Variants in SUCLG2 observed in about 807,000 individuals in gnomAD.
The protein encoded by SUCLG2 is succinate--CoA ligase [GDP-forming] subunit beta, mitochondrial.
Under a neutral mutation model 47.9 loss-of-function variants are expected in SUCLG2, and 42 were observed. The ratio of observed to expected loss-of-function variants is 0.88; its 90% CI spans 0.69 to 1.14. The LOEUF (loss-of-function observed/expected upper bound fraction) is 1.14. SUCLG2 is among the 50% of genes most tolerant of loss of function. SUCLG2 has a pLI of 0.00. For missense variants in SUCLG2, 571 were observed against 525.9 expected, an observed-to-expected ratio of 1.09 and a Z score of -0.84; for synonymous variants, 195 against 197.3, an observed-to-expected ratio of 0.99 and a Z score of 0.10.
intron 4 of SUCLG2, among the ~76,000 whole-genome samples, chr3:67,527,348 G>C (rs1706281539): frequency 6.6e-6 from 1 of 152,214 alleles, no homozygotes; most frequent in Non-Finnish European, 1.5e-5. Context: ...TGACACATGT[G>C]ATCTGTGTAG....
chr3:67,386,008 GA>G (rs1393602084), intron 10 of SUCLG2, among the ~76,000 whole-genome samples: 3 of 152,112 alleles, frequency 2.0e-5, no homozygotes, highest in Admixed American at 6.5e-5. Flanking sequence ...GAGGGACCAA[GA>G]AAAAACACAA....
chr3:67,525,800 A>C (rs764534879), intron 4 of SUCLG2, among the ~76,000 whole-genome samples: 2 of 152,254 alleles, frequency 1.3e-5, no homozygotes, highest in Non-Finnish European at 2.9e-5. Context: ...CATCAAAATT[A>C]AACACTTTTG....
intron 9 of SUCLG2, among the ~76,000 whole-genome samples, chr3:67,483,617 G>A (rs991083202): frequency 6.6e-5 from 10 of 152,352 alleles, no homozygotes; most frequent in Middle Eastern, 3.4e-3. Context: ...AAGACGAGAT[G>A]TATTTCACTC....
chr3:67,384,639 G>C (rs773021698), intron 10 of SUCLG2, among the ~76,000 whole-genome samples: 2 of 152,194 alleles, frequency 1.3e-5, no homozygotes, highest in Admixed American at 6.5e-5. Context: ...CCAGCTTGCA[G>C]TCCCTACTTC....
chr3:67,502,880 C>G (rs939274151), intron 7 of SUCLG2, among the ~76,000 whole-genome samples: 1 of 152,158 alleles, frequency 6.6e-6, no homozygotes, highest in East Asian at 1.9e-4. Context: ...TAGTAGAAAA[C>G]AAGATTTTTG....
intron 1 of SUCLG2, among the ~76,000 whole-genome samples, chr3:67,629,688 T>C (rs1700893853): frequency 1.3e-5 from 2 of 152,094 alleles, no homozygotes; most frequent in Admixed American, 6.5e-5. Flanking sequence ...AAAAGTCCTA[T>C]CCACCCTTCT....
At chr3:67,575,031 A>C (rs1461712021) in intron 2 of SUCLG2, among the ~76,000 whole-genome samples, 1 of 152,224 alleles carries the variant, frequency 6.6e-6, no homozygotes, top group Admixed American at 6.5e-5. Context: ...ACAGTAGTTA[A>C]AATTAAAGAG....
chr3:67,361,072 T>C (rs1429613913), intron 10 of SUCLG2, among the ~76,000 whole-genome samples: 1 of 151,988 alleles, frequency 6.6e-6, no homozygotes, highest in East Asian at 1.9e-4. Context: ...AATTTTCTTA[T>C]AAAACAGATA....
chr3:67,578,545 G>A (rs1247696997), intron 2 of SUCLG2, among the ~76,000 whole-genome samples: 1 of 152,016 alleles, frequency 6.6e-6, no homozygotes, highest in Admixed American at 6.6e-5. Flanking sequence ...AGAAAGAGAG[G>A]GGACAGGGCA....
intron 2 of SUCLG2, among the ~76,000 whole-genome samples, chr3:67,606,504 T>G (rs550378549): frequency 6.6e-6 from 1 of 152,286 alleles, no homozygotes; most frequent in Admixed American, 6.5e-5. Flanking sequence ...AACTTTACAT[T>G]TCTTTGCTCT....
chr3:67,389,252 T>C (rs1472112827), intron 10 of SUCLG2, among the ~76,000 whole-genome samples: 2 of 152,118 alleles, frequency 1.3e-5, no homozygotes, highest in Non-Finnish European at 2.9e-5. Flanking sequence ...GCATAGTTGA[T>C]GGACTTGGGA....
intron 10 of SUCLG2, among the ~76,000 whole-genome samples, chr3:67,361,167 GA>G (rs112542838): frequency 0.17 from 24,186 of 144,138 alleles, 2,078 homozygotes; most frequent in African/African-American, 0.25. Flanking sequence ...TGAGATGCCG[GA>G]AAAAAAAAAA....
At chr3:67,405,326 C>G (rs1702779111) in intron 9 of SUCLG2, among the ~76,000 whole-genome samples, 2 of 152,248 alleles carry the variant, frequency 1.3e-5, no homozygotes, top group South Asian at 4.1e-4. Flanking sequence ...AAAGTAAAAA[C>G]TAAACTTTGA....
intron 9 of SUCLG2, among the ~76,000 whole-genome samples, chr3:67,464,790 TC>T (rs1213020644): frequency 9.2e-5 from 14 of 152,192 alleles, no homozygotes; most frequent in Admixed American, 9.2e-4. Flanking sequence ...TTGCTTGTAA[TC>T]TCTGAGACAA....
chr3:67,516,107 A>T (rs1208269878), intron 6 of SUCLG2, among the ~76,000 whole-genome samples: 1 of 152,190 alleles, frequency 6.6e-6, no homozygotes, highest in Non-Finnish European at 1.5e-5. Flanking sequence ...CAGCAGACTG[A>T]GCAGCACCCT....
chr3:67,407,004 A>G (rs992603104), intron 9 of SUCLG2, among the ~76,000 whole-genome samples: 4 of 152,190 alleles, frequency 2.6e-5, no homozygotes, highest in African/African-American at 9.7e-5. Flanking sequence ...AGCCACTGAC[A>G]TTCACCAGGG....
intron 1 of SUCLG2, among the ~76,000 whole-genome samples, chr3:67,645,189 G>T (rs1019363514): frequency 6.6e-6 from 1 of 152,124 alleles, no homozygotes; most frequent in East Asian, 1.9e-4. Flanking sequence ...GTTTAACTCT[G>T]TAAGTCTCCC....
chr3:67,494,530 C>A (rs578080741), intron 9 of SUCLG2, among the ~76,000 whole-genome samples: 1 of 151,818 alleles, frequency 6.6e-6, no homozygotes, highest in Non-Finnish European at 1.5e-5. Context: ...AGAGGCTGTG[C>A]GAGGAGGATA....
At chr3:67,523,106 T>C (rs1350883291) in intron 4 of SUCLG2, among the ~76,000 whole-genome samples, 1 of 152,114 alleles carries the variant, frequency 6.6e-6, no homozygotes, top group Non-Finnish European at 1.5e-5. Context: ...TTTTTACAAG[T>C]AGTTTAGTGA....
Sources: allele counts gnomAD v4.1 joint callset (sites outside exome capture counted in the v4.1 genomes callset), GRCh38; gene constraint gnomAD v4.1.1; transcripts MANE v1.5; gene names NCBI Gene and HGNC (gene_info 2026-07-23, HGNC 2026-07-21).